Variants in DPYSL2 observed in about 807,000 individuals in gnomAD.
The protein encoded by DPYSL2 is dihydropyrimidinase like 2, also known as dihydropyrimidinase-related protein 2.
DPYSL2 carries 13 observed loss-of-function variants against 69.9 expected under a neutral mutation model. The ratio of observed to expected loss-of-function variants is 0.19; its 90% CI spans 0.12 to 0.30. The LOEUF is 0.30. DPYSL2 is among the 10% of genes least tolerant of loss of function. The probability of loss-of-function intolerance (pLI) is 1.00; values close to 1 mark genes in which losing one functional copy is unlikely to be tolerated. For missense variants in DPYSL2, 587 were observed against 918.9 expected, an observed-to-expected ratio of 0.64 and a Z score of 4.67; for synonymous variants, 326 against 359.1, an observed-to-expected ratio of 0.91 and a Z score of 1.04.
intron 1 of DPYSL2, among the ~76,000 whole-genome samples, chr8:26,532,780 G>T (rs1333985720): frequency 2.0e-5 from 3 of 152,160 alleles, no homozygotes; most frequent in Non-Finnish European, 4.4e-5. Flanking sequence ...CAGTTGACAG[G>T]TAGTTGGGTT....
intron 8 of DPYSL2, among the ~76,000 whole-genome samples, chr8:26,635,139 C>T (rs1802880825): frequency 6.6e-6 from 1 of 152,272 alleles, no homozygotes; most frequent in Non-Finnish European, 1.5e-5. Flanking sequence ...GCGGGGTGGG[C>T]AGGCACATGT....
chr8:26,639,891 A>G (rs1407907251), intron 8 of DPYSL2, among the ~76,000 whole-genome samples: 1 of 152,214 alleles, frequency 6.6e-6, no homozygotes, highest in African/African-American at 2.4e-5. Flanking sequence ...CTCAGAACCC[A>G]TTCAGAAAAC....
rs773514196 is a variant in DPYSL2, at chr8:26,627,475, C to T, written c.936+180C>T. ...ATGAATGCCAGTGACACACGTGCCT[C>T]TCCGTGTGTGCCACAGAACATCTAA... is the stretch of plus-strand genomic sequence containing the variant. On this transcript the variant is annotated intron_variant, in intron 6 of 13. Transcript: ENST00000521913. This position sits in a 1 kb window ranked among gnomAD's most constrained non-coding sequence, Gnocchi z 6.9. Among the ~76,000 whole-genome samples, 7 of 152,174 alleles carry T rather than the reference C, an allele frequency of 4.6e-5. No individual in the cohort carries two copies. The highest frequency in any genetic ancestry group is 8.8e-5 in the Non-Finnish European group (6 of 68,038).
intron 1 of DPYSL2, among the ~76,000 whole-genome samples, chr8:26,553,007 T>C (rs1249855526): frequency 6.6e-6 from 1 of 152,138 alleles, no homozygotes; most frequent in African/African-American, 2.4e-5. Context: ...AAAAGGGTAA[T>C]AAAGGAAGAT....
chr8:26,607,178 T>G (rs899546643), intron 3 of DPYSL2, among the ~76,000 whole-genome samples: 1 of 152,140 alleles, frequency 6.6e-6, no homozygotes, highest in Non-Finnish European at 1.5e-5. Context: ...AAAATAGTAG[T>G]ATATAGTCAT....
chr8:26,577,212 C>A (rs919877380), intron 1 of DPYSL2: 3 of 421,948 alleles, frequency 7.1e-6, no homozygotes, highest in Non-Finnish European at 1.4e-5. Flanking sequence ...TCTGCAGCCT[C>A]CCCCCGGCCC....
intron 7 of DPYSL2, among the ~76,000 whole-genome samples, chr8:26,633,449 T>G (rs796309405): frequency 1.3e-5 from 2 of 152,316 alleles, no homozygotes; most frequent in African/African-American, 4.8e-5. Flanking sequence ...ATTTGAAATA[T>G]CATTCATCTG....
chr8:26,567,170 A>G (rs993895555), intron 1 of DPYSL2, among the ~76,000 whole-genome samples: 1 of 143,860 alleles, frequency 7.0e-6, no homozygotes, highest in Non-Finnish European at 1.6e-5. Flanking sequence ...CCATCCATCC[A>G]TCCATCCATC....
In DPYSL2 at chr8:26,627,851, G is replaced by A. The variant is rs1802655493; in HGVS notation, c.937-21G>A. 4 of 1,612,674 alleles carry A rather than the reference G, an allele frequency of 2.5e-6. No individual in the cohort carries two copies. The highest frequency in any genetic ancestry group is 3.4e-6 in the Non-Finnish European group (4 of 1,179,748). On this transcript the variant is annotated intron_variant, in intron 6 of 13. Coordinates refer to ENST00000521913, the MANE Select transcript of DPYSL2 (RefSeq NM_001197293.3). The surrounding 1 kb of genome is among the most constrained non-coding windows in gnomAD (Gnocchi z 6.9). ...CAAAATCCACTCTCCCTCACAGCCTGACTTTCTCTAAACATTGCAGGAGCA... is the reference window on the plus strand; with the variant it reads ...CAAAATCCACTCTCCCTCACAGCCTAACTTTCTCTAAACATTGCAGGAGCA...
intron 3 of DPYSL2, among the ~76,000 whole-genome samples, chr8:26,622,911 G>A (rs1176811663): frequency 2.6e-5 from 4 of 152,200 alleles, no homozygotes; most frequent in African/African-American, 4.8e-5. Flanking sequence ...CTGCTTACCT[G>A]TGTGTAGAAA....
chr8:26,559,505 T>C (rs1230036251), intron 1 of DPYSL2, among the ~76,000 whole-genome samples: 1 of 152,206 alleles, frequency 6.6e-6, no homozygotes, highest in Non-Finnish European at 1.5e-5. Flanking sequence ...ACATCTAAAA[T>C]ATAAGATCTC....
intron 1 of DPYSL2, among the ~76,000 whole-genome samples, chr8:26,550,677 T>C (rs1025847030): frequency 1.3e-5 from 2 of 152,172 alleles, no homozygotes; most frequent in African/African-American, 4.8e-5. Flanking sequence ...AAGTGGCTTA[T>C]TAGAGGAATT....
chr8:26,544,681 T>C (rs565505256), intron 1 of DPYSL2, among the ~76,000 whole-genome samples: 1 of 152,362 alleles, frequency 6.6e-6, no homozygotes, highest in South Asian at 2.1e-4. Flanking sequence ...TTGGACGTGA[T>C]GTTATCATTT....
chr8:26,551,474 T>C (rs1252334180), intron 1 of DPYSL2, among the ~76,000 whole-genome samples: 2 of 152,126 alleles, frequency 1.3e-5, no homozygotes, highest in East Asian at 3.9e-4. Flanking sequence ...TATAAACAAA[T>C]CTGCCAGTAT....
intron 1 of DPYSL2, among the ~76,000 whole-genome samples, chr8:26,532,581 A>C (rs1254654540): frequency 2.0e-5 from 3 of 151,972 alleles, no homozygotes; most frequent in Admixed American, 1.3e-4. Flanking sequence ...ATCTGTATGG[A>C]TTTGCCTATT....
chr8:26,582,995 TTGA>T lies in DPYSL2; in HGVS notation c.444-801_444-799del, dbSNP rs1341017604. 6.6e-6 allele frequency among the ~76,000 whole-genome samples: 1 copy of T among 152,192 alleles called. No homozygotes were observed. The highest frequency in any genetic ancestry group is 2.4e-5 in the African/African-American group (1 of 41,446). ...CTCCAGGCTCTCAAATGCCATGACT[TTGA>T]TGTTCCATTTTCCCCCAATTATAAG... On this transcript the variant is annotated intron_variant, in intron 2 of 13. Transcript: ENST00000521913. The surrounding 1 kb of genome is among the most constrained non-coding windows in gnomAD (Gnocchi z 4.1).
intron 1 of DPYSL2, chr8:26,577,213 C>T (rs573848166): frequency 5.4e-5 from 23 of 424,528 alleles, no homozygotes; most frequent in African/African-American, 4.1e-4. Context: ...CTGCAGCCTC[C>T]CCCCGGCCCG....
chr8:26,532,454 C>T (rs1009014857), intron 1 of DPYSL2, among the ~76,000 whole-genome samples: 2 of 152,150 alleles, frequency 1.3e-5, no homozygotes, highest in African/African-American at 2.4e-5. Flanking sequence ...ACAAGATGTG[C>T]ACCCATTATC....
intron 3 of DPYSL2, among the ~76,000 whole-genome samples, chr8:26,590,074 T>G (rs1423188671): frequency 6.6e-6 from 1 of 152,252 alleles, no homozygotes; most frequent in East Asian, 1.9e-4. Flanking sequence ...TACACACGTG[T>G]GAACGCATGC....
Sources: gnomAD v4.1 joint callset for allele counts (sites outside exome capture counted in the v4.1 genomes callset) on GRCh38, gnomAD v4.1.1 for gene constraint, Gnocchi (gnomAD v3.1) non-coding constraint, MANE v1.5 for transcripts, NCBI Gene and HGNC (gene_info 2026-07-23, HGNC 2026-07-21) for gene names.